COL12A1: variants seen among roughly 807,000 people sequenced by gnomAD.
COL12A1 encodes collagen type XII alpha 1 chain, also known as collagen alpha-1(XII) chain.
COL12A1 carries 114 observed loss-of-function variants against 349.7 expected under a neutral mutation model. The ratio of observed to expected loss-of-function variants is 0.33; its 90% CI spans 0.28 to 0.38. COL12A1 has a LOEUF of 0.38. COL12A1 is among the 10% of genes least tolerant of loss of function. COL12A1 has a pLI of 1.00. For synonymous variants in COL12A1, 1,369 were observed against 1,329.0 expected, an observed-to-expected ratio of 1.03 and a Z score of -0.66; for missense variants, 3,284 against 3,756.9, an observed-to-expected ratio of 0.87 and a Z score of 3.29.
rs1283338460 is a variant in COL12A1 at position 75,086,377 on chromosome 6, G to C, written c.*170C>G. 8.0e-6 allele frequency: 3 copies of C among 375,526 alleles called. No individual in the cohort carries two copies. The highest frequency in any genetic ancestry group is 1.5e-5 in the Non-Finnish European group (3 of 196,142). 23.3% of individuals were successfully genotyped at this position (375,526 alleles called of 1,614,324 possible). On this transcript the variant is annotated 3_prime_UTR_variant, in exon 66 of 66. Coordinates refer to ENST00000322507, the MANE Select transcript of COL12A1 (RefSeq NM_004370.6). ...CACTGCTTTTGTCTCATTCAAGTTAGTAAAAAGAGTCTCCACCCTCCTTTG... is the reference window on the plus strand; with the variant it reads ...CACTGCTTTTGTCTCATTCAAGTTACTAAAAAGAGTCTCCACCCTCCTTTG...
At chr6:75,134,083 C>A in intron 32 of COL12A1, 86 bp from the exon 33 acceptor site, 1 of 1,435,194 alleles carries the variant, frequency 7.0e-7, no homozygotes, top group Non-Finnish European at 9.5e-7. Flanking sequence ...TCCCAGGCAC[C>A]CTAGAACATA....
At chr6:75,146,039 T>C in intron 24 of COL12A1, 63 bp downstream of exon 24, 1 of 1,462,524 alleles carries the variant, frequency 6.8e-7, no homozygotes, top group East Asian at 2.3e-5. Flanking sequence ...TGCAGTATAA[T>C]AGGCACTATA....
intron 21 of COL12A1, 58 bp downstream of exon 21, chr6:75,151,083 A>C: frequency 1.1e-6 from 1 of 944,626 alleles, no homozygotes; most frequent in Non-Finnish European, 1.5e-6. Context: ...CAAAAGAATA[A>C]TTATTTGGCC....
chr6:75,177,709 GA>G lies in COL12A1; in HGVS notation c.2390del (p.Phe797SerfsTer8). ...CAGTTAATGGAGTACCAGGTCCTGA[GA>G]AATATTCAGGAATTACAGATACTTC... ...KYEVSVIPEY[F>X]SGPGTPLTGN... On this transcript the variant is annotated frameshift_variant, in exon 12 of 66. Coordinates refer to ENST00000322507, the MANE Select transcript of COL12A1 (RefSeq NM_004370.6). LOFTEE classifies it high-confidence loss of function. 1 of 1,614,044 alleles carries G rather than the reference GA, an allele frequency of 6.2e-7. No homozygotes were observed. The highest frequency in any genetic ancestry group is 8.5e-7 in the Non-Finnish European group (1 of 1,179,998).
chr6:75,171,043 G>A (rs1460157354), intron 13 of COL12A1, among the ~76,000 whole-genome samples: 2 of 152,212 alleles, frequency 1.3e-5, no homozygotes, highest in Non-Finnish European at 2.9e-5. Context: ...TCCTTCATTT[G>A]TGGTCAATCG....
At chr6:75,102,453 A>C (rs1768349028) in intron 56 of COL12A1, 144 bp downstream of exon 56, 2 of 523,814 alleles carry the variant, frequency 3.8e-6, no homozygotes, top group Non-Finnish European at 6.4e-6. Flanking sequence ...CTAAAATAAC[A>C]GTCATCATAG....
chr6:75,138,632 C>T (rs747306620), intron 28 of COL12A1, 52 bp from the exon 29 acceptor site: 6 of 1,603,656 alleles, frequency 3.7e-6, no homozygotes, highest in African/African-American at 1.3e-5. Flanking sequence ...TCTCCACTTA[C>T]ATCATACACA....
chr6:75,139,055 A>C, intron 27 of COL12A1, 94 bp from the exon 28 acceptor site: 1 of 1,387,388 alleles, frequency 7.2e-7, no homozygotes, highest in Non-Finnish European at 9.9e-7. Context: ...ATATTAATGG[A>C]CATCTGAAAA....
Position 75,141,935 on chromosome 6 carries a change from AAGGT to A in COL12A1, c.4957+93_4957+96del, listed in dbSNP as rs565931509. 562 of 1,450,662 alleles carry A rather than the reference AAGGT, an allele frequency of 3.9e-4. 2 individuals are homozygous for A. The African/African-American group carries it at 5.3e-3, about 14-fold the overall frequency. The allele number at this position is 1,450,662 out of a possible 1,614,324, so 89.9% of individuals were successfully genotyped here. On this transcript the variant is annotated intron_variant, in intron 27 of 65. Coordinates refer to ENST00000322507, the MANE Select transcript of COL12A1 (RefSeq NM_004370.6). ...ATCCAAGCATTATTAAACACTGGCA[AAGGT>A]AGCATTAAGAAACAAAATGACCCAG...
intron 13 of COL12A1, 148 bp from the exon 14 acceptor site, chr6:75,165,927 A>T: frequency 1.4e-6 from 1 of 722,490 alleles, no homozygotes; most frequent in East Asian, 2.7e-5. Context: ...TGAGTTGTCC[A>T]TCCTATTCTG....
intron 41 of COL12A1, 75 bp downstream of exon 41, chr6:75,124,180 G>T: frequency 6.3e-7 from 1 of 1,592,130 alleles, no homozygotes; most frequent in South Asian, 1.1e-5. Flanking sequence ...TAAACAAAAT[G>T]GCATCTTCTT....
Position 75,119,486 on chromosome 6 carries a change from G to A in COL12A1, c.7087-13C>T. The A allele has an allele frequency of 6.3e-7, 1 of 1,598,054 alleles. No homozygotes were observed. Among genetic ancestry groups the A allele is most frequent in the Non-Finnish European group, 8.5e-7 (1 of 1,172,760 alleles). On this transcript the variant is annotated splice_polypyrimidine_tract_variant and intron_variant, in intron 44 of 65. Coordinates refer to ENST00000322507, the MANE Select transcript of COL12A1 (RefSeq NM_004370.6). The stretch of plus-strand genomic sequence containing the variant: ...GCACAAATGAAACCTGAAGGAAAAT[G>A]TGATTTGGCAGTGAGCATAAGTCAT...
chr6:75,123,948 T>G lies in COL12A1; in HGVS notation c.6871A>C (p.Thr2291Pro), dbSNP rs774897239. 18 of 1,600,250 alleles carry G rather than the reference T, an allele frequency of 1.1e-5. No individual in the cohort carries two copies. The highest frequency in any genetic ancestry group is 1.5e-5 in the Non-Finnish European group (17 of 1,170,902). ...CTTTCCAGATTCCTCAAAAACTTAC[T>G]GGTATGTTCTTTAACAGAGACTCCT... ...GPGVSVKEHT[T>P]VKPTEAPTEP... is the part of the protein sequence containing the mutation. The change falls in exon 42 of 66, where the codon ACT becomes CCT. Residue 2291 changes from threonine (T) to proline (P), a missense_variant and splice_region_variant. Thr to Pro is a conservative substitution (Grantham distance 38, BLOSUM62 -1). This residue lies in a region of COL12A1 where 2,601 missense variants were observed against 2,824.8 expected (regional missense o/e 0.92). Transcript: ENST00000322507.
rs1165175374 is a variant in COL12A1, at chr6:75,152,117, C to T, written c.3835+14G>A. ...AAGCATGAGCTGAAAGACTGTCAGA[C>T]AGTCCTTACTCACCTGTGAGAGTAT... On this transcript the variant is annotated intron_variant, in intron 19 of 65. Coordinates refer to ENST00000322507, the MANE Select transcript of COL12A1 (RefSeq NM_004370.6). The T allele has an allele frequency of 6.2e-7, 1 of 1,613,806 alleles. No homozygotes were observed. Among genetic ancestry groups the T allele is most frequent in the South Asian group, 1.1e-5 (1 of 91,080 alleles).
intron 59 of COL12A1, among the ~76,000 whole-genome samples, chr6:75,096,740 C>CA (rs1439912117): frequency 6.6e-6 from 1 of 151,774 alleles, no homozygotes; most frequent in African/African-American, 2.4e-5. Context: ...ACTAAAAATA[C>CA]AAAAAATTAG....
rs1362916160 is a variant in COL12A1 at position 75,090,096 on chromosome 6, C to G, written c.8941+14G>C. The G allele has an allele frequency of 6.2e-7, 1 of 1,612,228 alleles. No individual in the cohort carries two copies. The highest frequency in any genetic ancestry group is 1.3e-5 in the African/African-American group (1 of 74,940). ...TCCTTCCTTTATCCCAATACAGAAGCCAGAAATGCCTACCTCGTTCCCCAG... is the reference window on the plus strand; with the variant it reads ...TCCTTCCTTTATCCCAATACAGAAGGCAGAAATGCCTACCTCGTTCCCCAG... On this transcript the variant is annotated intron_variant, in intron 63 of 65. Coordinates refer to ENST00000322507, the MANE Select transcript of COL12A1 (RefSeq NM_004370.6). The surrounding 1 kb of genome is among the most constrained non-coding windows in gnomAD (Gnocchi z 4.1).
At chr6:75,097,185 G>A in intron 59 of COL12A1, 68 bp downstream of exon 59, 13 of 1,356,922 alleles carry the variant, frequency 9.6e-6, no homozygotes, top group Middle Eastern at 3.6e-4. Flanking sequence ...TCAAAGGCAG[G>A]TTACTAGCAA....
intron 24 of COL12A1, 119 bp downstream of exon 24, chr6:75,145,983 A>C: frequency 8.7e-7 from 1 of 1,154,540 alleles, no homozygotes; most frequent in Non-Finnish European, 1.2e-6. Flanking sequence ...CTACTTTTCT[A>C]TTTTTCCATT....
intron 60 of COL12A1, among the ~76,000 whole-genome samples, chr6:75,093,699 T>C (rs1484271532): frequency 6.6e-6 from 1 of 152,206 alleles, no homozygotes; most frequent in East Asian, 1.9e-4. Flanking sequence ...TGCAGGATTT[T>C]TTACATTTAC....
Sources: gnomAD v4.1 joint callset for allele counts (sites outside exome capture counted in the v4.1 genomes callset) on GRCh38, gnomAD v4.1.1 for gene constraint, gnomAD v4.1.1 regional missense constraint, Gnocchi (gnomAD v3.1) non-coding constraint, MANE v1.5 for transcripts, NCBI Gene and HGNC (gene_info 2026-07-23, HGNC 2026-07-21) for gene names.